Variants in FCHSD1 observed in about 807,000 individuals in gnomAD.
FCHSD1 encodes FCH and double SH3 domains 1.
A neutral mutation model predicts 101.3 loss-of-function variants in FCHSD1; 109 were observed. That is an observed-to-expected ratio of 1.08 (90% CI 0.92 to 1.26). The LOEUF (loss-of-function observed/expected upper bound fraction) is 1.26. Ranked by LOEUF, FCHSD1 falls within the 50% of genes most tolerant of loss-of-function variation. The pLI, the probability that FCHSD1 is intolerant of heterozygous loss-of-function variation, is 0.00. For synonymous variants in FCHSD1, 291 were observed against 356.8 expected (o/e 0.82, Z 2.08); for missense variants, 820 against 895.8 (o/e 0.92, Z 1.08).
chr5:141,644,589 G>A lies in FCHSD1; in HGVS notation c.1626C>T (p.Cys542=), dbSNP rs758748925. The change falls in exon 16 of 20, where the codon TGC becomes TGT. Residue 542 remains cysteine, a synonymous_variant. Transcript: ENST00000435817. ...PESSQDSDNP[C]GAEPTAFLAQ... ...CTTTCTTACCTGTGGGCTCTGCCCC[G>A]CAGGGATTGTCACTGTCTTGGCTGC... The A allele has an allele frequency of 2.7e-5, 44 of 1,613,796 alleles. 1 individual carries two copies. Among genetic ancestry groups the A allele is most frequent in the African/African-American group, 2.4e-4 (18 of 74,918 alleles).
intron 15 of FCHSD1, 54 bp downstream of exon 15, chr5:141,644,805 A>G: frequency 6.2e-7 from 1 of 1,604,578 alleles, no homozygotes; most frequent in Non-Finnish European, 8.5e-7. Flanking sequence ...GGCCACAGAG[A>G]AGTCCCTCCT....
At chr5:141,648,134 C>A (rs778707407) in intron 7 of FCHSD1, 38 bp from the exon 8 acceptor site, 4 of 1,566,114 alleles carry the variant, frequency 2.6e-6, no homozygotes, top group African/African-American at 1.4e-5. Context: ...AAGCCCTAGA[C>A]CCCCAGAGTC....
Position 141,646,161 on chromosome 5 carries a change from G to A in FCHSD1, c.1075C>T (p.Gln359Ter), listed in dbSNP as rs1188845794. 7 of 1,610,556 alleles carry A rather than the reference G, an allele frequency of 4.3e-6. No homozygotes were observed. In the South Asian group the frequency reaches 7.8e-5, roughly 18 times the overall value. ...VLQRLEQRRQ[Q>*]ASEREAPSIE... ...CTTGGAGCCTCCCGCTCTGAAGCCTGCTGCCGCCTCTGCTCCAGTCGTTGC... is the reference window on the plus strand; with the variant it reads ...CTTGGAGCCTCCCGCTCTGAAGCCTACTGCCGCCTCTGCTCCAGTCGTTGC... The change falls in exon 12 of 20, where the codon CAG becomes TAG. Residue 359 changes from glutamine (Q) to a stop codon, truncating the protein, a stop_gained. Transcript: ENST00000435817. LOFTEE classifies it high-confidence loss of function.
At position 141,640,085 on chromosome 5, in the gene FCHSD1, C is replaced by G; in HGVS notation, c.*1413G>C. ...GGATGCCTGCCATGGAGAGGCTGCCCCCTGAGAGGCCACAGCCCCAGGTCC... is the reference window on the plus strand; with the variant it reads ...GGATGCCTGCCATGGAGAGGCTGCCGCCTGAGAGGCCACAGCCCCAGGTCC... On this transcript the variant is annotated 3_prime_UTR_variant, in exon 20 of 20. Transcript: ENST00000435817. 1 of 1,613,562 alleles carries G rather than the reference C, an allele frequency of 6.2e-7. No individual in the cohort carries two copies. Among genetic ancestry groups the G allele is most frequent in the Non-Finnish European group, 8.5e-7 (1 of 1,179,764 alleles).
chr5:141,649,420 C>T lies in FCHSD1; in HGVS notation c.350G>A (p.Ser117Asn), dbSNP rs898126614. The T allele has an allele frequency of 4.3e-6, 7 of 1,614,014 alleles. No homozygotes were observed. The South Asian group carries it at 6.6e-5, about 15-fold the overall frequency. The part of the protein sequence containing the change: ...YRDLAGGTGR[S>N]AKEQVLRKGT... ...CTTCCTAAGCACCTGCTCCTTGGCG[C>T]TCCGCCCTGTACCCCCTGCTAGGTC... The change falls in exon 5 of 20, where the codon AGC becomes AAC. Residue 117 changes from serine (S) to asparagine (N), a missense_variant. Physicochemically the swap from Ser to Asn is conservative, Grantham distance 46 (BLOSUM62 1). Transcript: ENST00000435817. This position sits in a 1 kb window ranked among gnomAD's most constrained non-coding sequence, Gnocchi z 4.1.
Position 141,641,060 on chromosome 5 carries a change from C to G in FCHSD1, c.*438G>C, listed in dbSNP as rs191608161. The G allele has an allele frequency of 3.1e-6, 1 of 325,132 alleles. No homozygotes were observed. The highest frequency in any genetic ancestry group is 5.6e-6 in the Non-Finnish European group (1 of 177,902). 20.1% of individuals were successfully genotyped at this position (325,132 alleles called of 1,614,324 possible). On this transcript the variant is annotated 3_prime_UTR_variant, in exon 20 of 20. Transcript: ENST00000435817. The stretch of plus-strand genomic sequence containing the variant: ...TCATTGTCAATAAATCCGCTCAGAC[C>G]ATTACAGCTGCTTCGCATCCTGGCT...
rs1333955360 is a variant in FCHSD1, at chr5:141,650,247, C to T, written c.165+112G>A. The T allele has an allele frequency of 2.5e-5, 35 of 1,398,726 alleles. No homozygotes were observed. In the South Asian group the frequency reaches 3.9e-4, roughly 15 times the overall value. 86.6% of individuals were successfully genotyped at this position (1,398,726 alleles called of 1,614,324 possible). A position where few individuals can be genotyped will look rare whatever the true frequency, so the allele number is the denominator to read the frequency against. On this transcript the variant is annotated intron_variant, in intron 3 of 19. Coordinates refer to ENST00000435817, the MANE Select transcript of FCHSD1 (RefSeq NM_033449.3). ...ACAGCAGGGATCTGACACCAGTCTG[C>T]TTGACTCTAGGCATCTGCTCTTGAC...
intron 9 of FCHSD1, 33 bp from the exon 10 acceptor site, chr5:141,647,263 C>A: frequency 6.3e-7 from 1 of 1,583,124 alleles, no homozygotes; most frequent in South Asian, 1.2e-5. Flanking sequence ...GTCACTCATT[C>A]ACTGACTCAC....
Position 141,641,484 on chromosome 5 carries a change from G to T in FCHSD1, c.*14C>A. On this transcript the variant is annotated 3_prime_UTR_variant, in exon 20 of 20. Coordinates refer to ENST00000435817, the MANE Select transcript of FCHSD1 (RefSeq NM_033449.3). The stretch of plus-strand genomic sequence containing the variant: ...GGACAGCAGCATCACTGGGGGTCAA[G>T]GCTTCCCTGGCCTTCAGGTGAGGGG... 1 of 1,477,726 alleles carries T rather than the reference G, an allele frequency of 6.8e-7. No individual in the cohort carries two copies. The highest frequency in any genetic ancestry group is 2.4e-5 in the East Asian group (1 of 42,466). The allele number at this position is 1,477,726 out of a possible 1,614,324, so 91.5% of individuals were successfully genotyped here.
chr5:141,645,256 G>A lies in FCHSD1; in HGVS notation c.1312-108C>T. ...AGGACACCATGGATCCTCCAAGGCA[G>A]GTGCACCCATCCACTCACCATGTAC... is the stretch of plus-strand genomic sequence containing the variant. On this transcript the variant is annotated intron_variant, in intron 13 of 19. Coordinates refer to ENST00000435817, the MANE Select transcript of FCHSD1 (RefSeq NM_033449.3). 4 of 1,456,716 alleles carry A rather than the reference G, an allele frequency of 2.7e-6. No homozygotes were observed. In the South Asian group the frequency reaches 5.8e-5, roughly 21 times the overall value. 90.2% of individuals were successfully genotyped at this position (1,456,716 alleles called of 1,614,324 possible).
At position 141,644,582 on chromosome 5, in the gene FCHSD1, C is replaced by G. The variant is rs1209571744; in HGVS notation, c.1633G>C (p.Glu545Gln). The change falls in exon 16 of 20, where the codon GAG becomes CAG. Residue 545 changes from glutamate (E) to glutamine (Q), a missense_variant. Transcript: ENST00000435817. ...AATTTCCCTTTCTTACCTGTGGGCTCTGCCCCGCAGGGATTGTCACTGTCT... is the reference window on the plus strand; with the variant it reads ...AATTTCCCTTTCTTACCTGTGGGCTGTGCCCCGCAGGGATTGTCACTGTCT... ...SQDSDNPCGA[E>Q]PTAFLAQALY... 10 of 1,613,918 alleles carry G rather than the reference C, an allele frequency of 6.2e-6. No individual in the cohort carries two copies. Among genetic ancestry groups the G allele is most frequent in the Non-Finnish European group, 7.6e-6 (9 of 1,179,846 alleles).
intron 1 of FCHSD1, 109 bp from the exon 2 acceptor site, chr5:141,651,226 GT>G: frequency 6.6e-7 from 1 of 1,513,162 alleles, no homozygotes. Context: ...TCTTTCCTCT[GT>G]TACTTCTGGT....
At position 141,644,970 on chromosome 5, in the gene FCHSD1, T is replaced by G. The variant is rs751462091; in HGVS notation, c.1441-28A>C. ...GGGCCACACACGAAGGATTCAGGAC[T>G]TGGCTGTCCCCCACCCTTGCCCATC... On this transcript the variant is annotated intron_variant, in intron 14 of 19. Transcript: ENST00000435817. 1.2e-5 allele frequency: 20 copies of G among 1,613,850 alleles called. No homozygotes were observed. In the African/African-American group the frequency reaches 2.5e-4, roughly 20 times the overall value.
intron 11 of FCHSD1, 90 bp downstream of exon 11, chr5:141,646,513 T>A: frequency 6.6e-7 from 1 of 1,505,542 alleles, no homozygotes; most frequent in Admixed American, 2.1e-5. Flanking sequence ...TGTAGCTCCA[T>A]GACACCCTCA....
chr5:141,649,241 C>A lies in FCHSD1; in HGVS notation c.443G>T (p.Arg148Leu), dbSNP rs767038525. The change falls in exon 6 of 20, where the codon CGG becomes CTG. Residue 148 changes from arginine (R) to leucine (L), a missense_variant. Coordinates refer to ENST00000435817, the MANE Select transcript of FCHSD1 (RefSeq NM_033449.3). This position sits in a 1 kb window ranked among gnomAD's most constrained non-coding sequence, Gnocchi z 4.1. ...LQSVRELSRSRKLYGQRERVW... is the reference protein window; with the variant it reads ...LQSVRELSRSLKLYGQRERVW... ...ACGTTCCCGCTGCCCATACAGCTTCCGACTTCGGCTCAGCTCCCGGACAGA... is the reference window on the plus strand; with the variant it reads ...ACGTTCCCGCTGCCCATACAGCTTCAGACTTCGGCTCAGCTCCCGGACAGA... The A allele has an allele frequency of 6.2e-7, 1 of 1,613,986 alleles. No homozygotes were observed. The highest frequency in any genetic ancestry group is 8.5e-7 in the Non-Finnish European group (1 of 1,179,892).
rs2099907595 is a variant in FCHSD1, at chr5:141,645,873, C to T, written c.1209G>A (p.Val403=). 3 of 1,589,844 alleles carry T rather than the reference C, an allele frequency of 1.9e-6. No homozygotes were observed. The Admixed American group carries it at 5.4e-5, about 29-fold the overall frequency. ...TCATGGCTGGCTTCAGCCAGCGCTCCACATCTAAGCCAGCCCCCTGCAGCA... is the reference window on the plus strand; with the variant it reads ...TCATGGCTGGCTTCAGCCAGCGCTCTACATCTAAGCCAGCCCCCTGCAGCA... ...LALLQGAGLD[V]ERWLKPAMTQ... is the part of the protein sequence containing the mutation. Residue 403 remains valine, a synonymous_variant, in exon 13 of 20, where the codon GTG becomes GTA. Coordinates refer to ENST00000435817, the MANE Select transcript of FCHSD1 (RefSeq NM_033449.3).
intron 15 of FCHSD1, 75 bp from the exon 16 acceptor site, chr5:141,644,765 C>T: frequency 1.2e-6 from 2 of 1,606,098 alleles, no homozygotes; most frequent in Non-Finnish European, 1.7e-6. Context: ...TCTACTCAGG[C>T]TTCTAGCTTT....
Position 141,649,242 on chromosome 5 carries a change from G to A in FCHSD1, c.442C>T (p.Arg148Trp), listed in dbSNP as rs752183725. Residue 148 changes from arginine to tryptophan, a missense_variant, in exon 6 of 20, where the codon CGG (arginine) becomes TGG (tryptophan). By Grantham distance (101) the Arg-to-Trp change is moderately radical. Coordinates refer to ENST00000435817, the MANE Select transcript of FCHSD1 (RefSeq NM_033449.3). The surrounding 1 kb of genome is among the most constrained non-coding windows in gnomAD (Gnocchi z 4.1). ...CGTTCCCGCTGCCCATACAGCTTCC[G>A]ACTTCGGCTCAGCTCCCGGACAGAC... is the stretch of plus-strand genomic sequence containing the variant. Reference protein sequence around the residue: ...LQSVRELSRSRKLYGQRERVW... With the variant: ...LQSVRELSRSWKLYGQRERVW... 21 of 1,613,852 alleles carry A rather than the reference G, an allele frequency of 1.3e-5. No homozygotes were observed. Among genetic ancestry groups the A allele is most frequent in the South Asian group, 4.4e-5 (4 of 91,086 alleles).
Position 141,645,120 on chromosome 5 carries a change from T to G in FCHSD1, c.1340A>C (p.Glu447Ala), listed in dbSNP as rs1234200053. ...TAEDAELSDF[E>A]ECEETGELFE... ...GAGCTCTCCCGTCTCCTCACATTCC[T>G]CAAAGTCAGAAAGCTCAGCATCCTC... is the stretch of plus-strand genomic sequence containing the variant. Residue 447 changes from glutamate (E) to alanine (A), a missense_variant, in exon 14 of 20, where the codon GAG (glutamate) becomes GCG (alanine). Coordinates refer to ENST00000435817, the MANE Select transcript of FCHSD1 (RefSeq NM_033449.3). The G allele has an allele frequency of 6.4e-7, 1 of 1,564,444 alleles. No individual in the cohort carries two copies. The highest frequency in any genetic ancestry group is 2.2e-5 in the East Asian group (1 of 44,464).
Sources: allele counts gnomAD v4.1 joint callset, GRCh38; gene constraint gnomAD v4.1.1; non-coding constraint Gnocchi (gnomAD v3.1); transcripts MANE v1.5; gene names NCBI Gene and HGNC (gene_info 2026-07-23, HGNC 2026-07-21).